The following LRRC4C variants were observed in gnomAD, a reference collection of about 807,000 sequenced individuals.
LRRC4C encodes the protein leucine rich repeat containing 4C.
A neutral mutation model predicts 33.6 loss-of-function variants in LRRC4C; 5 were observed. The observed-to-expected ratio is 0.15, with a 90% CI of 0.08 to 0.31. The LOEUF is 0.31. Ranked by LOEUF, LRRC4C falls within the 10% of genes least tolerant of loss-of-function variation. LRRC4C has a pLI of 1.00. For missense variants in LRRC4C, 560 were observed against 796.7 expected (o/e 0.70, Z 3.58); for synonymous variants, 329 against 302.0 (o/e 1.09, Z -0.93).
intron 1 of LRRC4C, among the ~76,000 whole-genome samples, chr11:41,112,984 C>T (rs926082041): frequency 6.6e-6 from 1 of 151,994 alleles, no homozygotes; most frequent in Admixed American, 6.6e-5. Context: ...AGGATACAAA[C>T]ACAGAATTAA....
At chr11:40,645,168 T>G (rs539942298) in intron 3 of LRRC4C, among the ~76,000 whole-genome samples, 1 of 152,248 alleles carries the variant, frequency 6.6e-6, no homozygotes, top group Non-Finnish European at 1.5e-5. Flanking sequence ...AACCTCAATC[T>G]AATGCCACCT....
chr11:40,596,846 A>C (rs1238556636), intron 3 of LRRC4C, among the ~76,000 whole-genome samples: 1 of 152,184 alleles, frequency 6.6e-6, no homozygotes, highest in Non-Finnish European at 1.5e-5. Flanking sequence ...AACACTATTC[A>C]TAGTAGTCAG....
At chr11:41,202,026 TC>T (rs1946420736) in intron 1 of LRRC4C, among the ~76,000 whole-genome samples, 1 of 152,114 alleles carries the variant, frequency 6.6e-6, no homozygotes, top group African/African-American at 2.4e-5. Flanking sequence ...CCTAGGAGCC[TC>T]CTTGCCTCAC....
At chr11:40,690,203 A>AT (rs533412622) in intron 2 of LRRC4C, among the ~76,000 whole-genome samples, 46 of 152,144 alleles carry the variant, frequency 3.0e-4, no homozygotes, top group Non-Finnish European at 5.0e-4. Context: ...TGAACTAGAC[A>AT]TTTTTTTATG....
At chr11:40,744,696 T>A (rs1371480607) in intron 2 of LRRC4C, among the ~76,000 whole-genome samples, 1 of 152,112 alleles carries the variant, frequency 6.6e-6, no homozygotes, top group Non-Finnish European at 1.5e-5. Flanking sequence ...CATCTTACTA[T>A]GAGGAAACTG....
At chr11:40,154,985 T>C (rs1238346745) in intron 5 of LRRC4C, among the ~76,000 whole-genome samples, 1 of 151,756 alleles carries the variant, frequency 6.6e-6, no homozygotes, top group Non-Finnish European at 1.5e-5. Flanking sequence ...TTGAAGAAAA[T>C]TGAAATTATA....
intron 3 of LRRC4C, among the ~76,000 whole-genome samples, chr11:40,411,253 G>C (rs139260364): frequency 6.6e-6 from 1 of 152,010 alleles, no homozygotes; most frequent in Non-Finnish European, 1.5e-5. Flanking sequence ...CTGGAAAAAC[G>C]CAAAGTCACA....
intron 1 of LRRC4C, among the ~76,000 whole-genome samples, chr11:41,397,017 C>T (rs779567237): frequency 1.2e-4 from 18 of 152,000 alleles, no homozygotes; most frequent in Non-Finnish European, 2.4e-4. Flanking sequence ...GATGTAAATA[C>T]GATTTTTTAA....
intron 1 of LRRC4C, among the ~76,000 whole-genome samples, chr11:41,084,482 T>G (rs940355981): frequency 6.6e-6 from 1 of 152,202 alleles, no homozygotes; most frequent in Non-Finnish European, 1.5e-5. Context: ...CTGATATTAT[T>G]ACTTCCTACC....
At chr11:40,469,785 GCC>G (rs1409943063) in intron 3 of LRRC4C, among the ~76,000 whole-genome samples, 2 of 152,158 alleles carry the variant, frequency 1.3e-5, no homozygotes, top group Non-Finnish European at 2.9e-5. Flanking sequence ...ACTGGGTGGA[GCC>G]CACCAGAGCT....
intron 1 of LRRC4C, among the ~76,000 whole-genome samples, chr11:40,988,713 C>CCTT (rs1203305681): frequency 3.5e-5 from 2 of 57,750 alleles, no homozygotes; most frequent in Admixed American, 2.1e-4. Flanking sequence ...CTTTTCTTTT[C>CCTT]TTTTTTTTTT....
intron 1 of LRRC4C, among the ~76,000 whole-genome samples, chr11:41,021,190 A>T (rs1328066355): frequency 4.0e-4 from 33 of 83,230 alleles, no homozygotes; most frequent in African/African-American, 1.4e-3. Flanking sequence ...AGAGAGAGAG[A>T]GAGAGAGAGA....
chr11:40,188,161 G>A (rs56128331), intron 5 of LRRC4C, among the ~76,000 whole-genome samples: 5,927 of 152,200 alleles, frequency 0.039, 267 homozygotes, highest in African/African-American at 0.11. Flanking sequence ...ACTACCAGCC[G>A]AAATCAAATG....
chr11:40,698,991 C>T lies in LRRC4C; in HGVS notation c.-406-50713G>A, dbSNP rs146229222. ...AGATGAGACTTGGGTGGGAACACAG[C>T]CAAACCATATCCAACACAAAAGGCA... On this transcript the variant is annotated intron_variant, in intron 2 of 6. Transcript: ENST00000528697. Among the ~76,000 whole-genome samples, 32 of 152,150 alleles carry T rather than the reference C, an allele frequency of 2.1e-4. 1 individual carries two copies. The highest frequency in any genetic ancestry group is 8.3e-4 in the South Asian group (4 of 4,814).
At chr11:40,918,678 A>G (rs1277291856) in intron 2 of LRRC4C, among the ~76,000 whole-genome samples, 2 of 152,138 alleles carry the variant, frequency 1.3e-5, no homozygotes, top group Non-Finnish European at 2.9e-5. Flanking sequence ...TTATCAGAAT[A>G]TCTTTGAGCA....
At chr11:40,990,671 G>A (rs1329151619) in intron 1 of LRRC4C, among the ~76,000 whole-genome samples, 2 of 152,156 alleles carry the variant, frequency 1.3e-5, no homozygotes, top group African/African-American at 2.4e-5. Context: ...TAATAGAGCA[G>A]TGGTAGATAA....
At chr11:40,809,175 C>T (rs569612534) in intron 2 of LRRC4C, among the ~76,000 whole-genome samples, 1 of 152,284 alleles carries the variant, frequency 6.6e-6, no homozygotes, top group Non-Finnish European at 1.5e-5. Context: ...AAATAGTTTA[C>T]TGTGTTTTCT....
chr11:41,201,799 C>A (rs1487544557), intron 1 of LRRC4C, among the ~76,000 whole-genome samples: 1 of 151,994 alleles, frequency 6.6e-6, no homozygotes, highest in African/African-American at 2.4e-5. Context: ...AATATCTATA[C>A]AAAAATGAGC....
chr11:40,889,716 CTG>C (rs1955617674), intron 2 of LRRC4C, among the ~76,000 whole-genome samples: 1 of 152,056 alleles, frequency 6.6e-6, no homozygotes, highest in Admixed American at 6.6e-5. Flanking sequence ...AGTAGCAACA[CTG>C]TGCTATTTTT....
Sources: allele counts gnomAD v4.1 joint callset (sites outside exome capture counted in the v4.1 genomes callset), GRCh38; gene constraint gnomAD v4.1.1; transcripts MANE v1.5; gene names NCBI Gene and HGNC (gene_info 2026-07-23, HGNC 2026-07-21).